Variants in SLC16A2 observed in about 807,000 individuals in gnomAD.
The protein encoded by SLC16A2 is monocarboxylate transporter 8.
Under a neutral mutation model 27.2 loss-of-function variants are expected in SLC16A2, and 3 were observed. The observed-to-expected ratio is 0.11, with a 90% CI of 0.05 to 0.28. SLC16A2 has a LOEUF of 0.28. SLC16A2 is among the 10% of genes least tolerant of loss of function. SLC16A2 has a pLI of 1.00. For missense variants in SLC16A2, 295 were observed against 458.5 expected, an observed-to-expected ratio of 0.64 and a Z score of 3.26; for synonymous variants, 202 against 187.8, an observed-to-expected ratio of 1.08 and a Z score of -0.62.
intron 1 of SLC16A2, among the ~76,000 whole-genome samples, chrX:74,431,570 C>T (rs960237372): frequency 9.0e-6 from 1 of 111,715 alleles, no homozygotes; most frequent in Non-Finnish European, 1.9e-5. Flanking sequence ...ACCTCAGCAA[C>T]ATGAAATTTA....
intron 1 of SLC16A2, among the ~76,000 whole-genome samples, chrX:74,501,592 C>G (rs914837026): frequency 2.7e-5 from 3 of 110,989 alleles, no homozygotes; most frequent in South Asian, 3.9e-4. Context: ...TCTGGTGGGC[C>G]CCCCCTCTGC....
At chrX:74,492,483 T>C (rs1300738753) in intron 1 of SLC16A2, among the ~76,000 whole-genome samples, 1 of 110,693 alleles carries the variant, frequency 9.0e-6, no homozygotes, top group Non-Finnish European at 1.9e-5. Flanking sequence ...TGGGAGACCA[T>C]TGACCCTAAA....
chrX:74,524,119 A>C (rs1165283815), intron 2 of SLC16A2, among the ~76,000 whole-genome samples: 1 of 111,583 alleles, frequency 9.0e-6, no homozygotes, highest in Non-Finnish European at 1.9e-5. Context: ...ATTCAAGTCC[A>C]AGTTTTGCTG....
intron 1 of SLC16A2, among the ~76,000 whole-genome samples, chrX:74,437,258 C>T (rs1242900975): frequency 8.9e-6 from 1 of 112,102 alleles, no homozygotes; most frequent in East Asian, 2.8e-4. Context: ...AATAAGGCCC[C>T]CTGCAGGAAG....
At chrX:74,459,042 C>G (rs897898088) in intron 1 of SLC16A2, among the ~76,000 whole-genome samples, 2 of 105,426 alleles carry the variant, frequency 1.9e-5, no homozygotes, top group African/African-American at 6.9e-5. Context: ...TCCCTTTGGG[C>G]CAGTGTTGTG....
At position 74,474,053 on chromosome X, in the gene SLC16A2, T is replaced by A. The variant is rs191105477; in HGVS notation, c.431-46937T>A. On this transcript the variant is annotated intron_variant, in intron 1 of 5. Transcript: ENST00000587091. Reference sequence around the variant, plus strand: ...TCAAGATTCTTTTTGCTATTCTAGTTCTCTTGCATTTTCATACACATCTTA... The same window carrying A: ...TCAAGATTCTTTTTGCTATTCTAGTACTCTTGCATTTTCATACACATCTTA... 2.5e-4 allele frequency: 38 copies of A among 150,381 alleles called. 1 individual carries two copies. The highest frequency in any genetic ancestry group is 1.1e-3 in the African/African-American group (35 of 31,957). 12.4% of individuals were successfully genotyped at this position (150,381 alleles called of 1,213,427 possible).
intron 1 of SLC16A2, among the ~76,000 whole-genome samples, chrX:74,491,746 A>T (rs1326504439): frequency 8.9e-6 from 1 of 112,623 alleles, no homozygotes; most frequent in South Asian, 3.7e-4. Flanking sequence ...TCTTACCAAG[A>T]TGTATTAGAG....
At chrX:74,450,067 A>G (rs142290335) in intron 1 of SLC16A2, among the ~76,000 whole-genome samples, 241 of 112,125 alleles carry the variant, frequency 2.1e-3, no homozygotes, top group African/African-American at 7.2e-3. Flanking sequence ...TGACTAATAA[A>G]TAGATAATTT....
chrX:74,525,953 C>T (rs926388932), intron 4 of SLC16A2, 60 bp downstream of exon 4: 69 of 1,148,461 alleles, frequency 6.0e-5, no homozygotes, highest in Non-Finnish European at 7.8e-5. Flanking sequence ...GCAAGGTTAT[C>T]CACAGCCTTT....
intron 1 of SLC16A2, among the ~76,000 whole-genome samples, chrX:74,428,564 G>C (rs182285420): frequency 2.2e-4 from 24 of 110,694 alleles, no homozygotes; most frequent in Non-Finnish European, 4.3e-4. Context: ...ATGTTGTATA[G>C]GCCCAACTCC....
chrX:74,431,283 C>A (rs1258467951), intron 1 of SLC16A2, among the ~76,000 whole-genome samples: 1 of 112,394 alleles, frequency 8.9e-6, no homozygotes, highest in Non-Finnish European at 1.9e-5. Context: ...ATTATGCAGT[C>A]ATAAAAAGAA....
chrX:74,472,538 AT>A (rs1292669612), intron 1 of SLC16A2, among the ~76,000 whole-genome samples: 1 of 111,330 alleles, frequency 9.0e-6, no homozygotes, highest in Non-Finnish European at 1.9e-5. Context: ...TGGACTCTCA[AT>A]TTTGTTTCAT....
At chrX:74,463,887 G>A (rs1018336293) in intron 1 of SLC16A2, among the ~76,000 whole-genome samples, 11 of 112,131 alleles carry the variant, frequency 9.8e-5, no homozygotes, top group African/African-American at 3.2e-4. Flanking sequence ...TCTAGATAAT[G>A]AGCATGTACA....
intron 1 of SLC16A2, among the ~76,000 whole-genome samples, chrX:74,434,816 G>GTTTTTTTT (rs1210272092): frequency 1.1e-5 from 1 of 89,261 alleles, no homozygotes; most frequent in African/African-American, 4.2e-5. Context: ...ATCTTAGTTT[G>GTTTTTTTT]TTTTTTTTTT....
chrX:74,447,236 A>G (rs1200054176), intron 1 of SLC16A2, among the ~76,000 whole-genome samples: 1 of 112,399 alleles, frequency 8.9e-6, no homozygotes, highest in Non-Finnish European at 1.9e-5. Flanking sequence ...AGTTTGTCCA[A>G]TATTCAAGAG....
At chrX:74,519,602 G>A (rs1930372469) in intron 1 of SLC16A2, among the ~76,000 whole-genome samples, 1 of 103,514 alleles carries the variant, frequency 9.7e-6, no homozygotes, top group Non-Finnish European at 2.0e-5. Flanking sequence ...TGTAGTCCCA[G>A]CTACTCAGGA....
chrX:74,516,310 C>T (rs1025062135), intron 1 of SLC16A2, among the ~76,000 whole-genome samples: 13 of 112,168 alleles, frequency 1.2e-4, no homozygotes, highest in African/African-American at 4.2e-4. Context: ...ACGTTGGCCT[C>T]CCAAAGTGCT....
At chrX:74,429,279 G>A (rs1324971290) in intron 1 of SLC16A2, among the ~76,000 whole-genome samples, 1 of 111,434 alleles carries the variant, frequency 9.0e-6, no homozygotes, top group Non-Finnish European at 1.9e-5. Flanking sequence ...GCCAGCCTGG[G>A]CAACATAGGG....
chrX:74,423,352 G>A (rs1304885989), intron 1 of SLC16A2, among the ~76,000 whole-genome samples: 1 of 111,974 alleles, frequency 8.9e-6, no homozygotes, highest in Non-Finnish European at 1.9e-5. Flanking sequence ...TATTTCTACT[G>A]CCATTTGAGG....
Sources: gnomAD v4.1 joint callset for allele counts (sites outside exome capture counted in the v4.1 genomes callset) on GRCh38, gnomAD v4.1.1 for gene constraint, MANE v1.5 for transcripts, NCBI Gene and HGNC (gene_info 2026-07-23, HGNC 2026-07-21) for gene names.